The following ZGPAT variants were observed in gnomAD, a reference collection of about 807,000 sequenced individuals.
The protein encoded by ZGPAT is zinc finger CCCH-type and G-patch domain containing.
A neutral mutation model predicts 47.9 loss-of-function variants in ZGPAT; 39 were observed. That is an observed-to-expected ratio of 0.81 (90% CI 0.63 to 1.06). ZGPAT has a LOEUF of 1.06. Among genes scored for constraint, ZGPAT ranks in the 50% least tolerant of loss-of-function variants. The pLI is 0.00. For synonymous variants in ZGPAT, 348 were observed against 292.9 expected (o/e 1.19, Z -1.92); for missense variants, 717 against 681.4 (o/e 1.05, Z -0.58).
intron 2 of ZGPAT, among the ~76,000 whole-genome samples, chr20:63,714,036 G>A (rs1242652503): frequency 1.3e-5 from 2 of 152,062 alleles, no homozygotes; most frequent in African/African-American, 4.8e-5. Context: ...TGTGAATAGA[G>A]ATAATTGTAG....
At chr20:63,721,727 G>A (rs527982705) in intron 2 of ZGPAT, among the ~76,000 whole-genome samples, 19 of 152,070 alleles carry the variant, frequency 1.2e-4, no homozygotes, top group African/African-American at 4.6e-4. Flanking sequence ...ACCTGTAAAT[G>A]CCTTCAGGCC....
rs767605942 is a variant in ZGPAT, at chr20:63,735,785, A to T, written c.1402A>T (p.Ser468Cys). The T allele has an allele frequency of 3.6e-5, 58 of 1,601,868 alleles. No individual in the cohort carries two copies. The highest frequency in any genetic ancestry group is 4.8e-5 in the Non-Finnish European group (56 of 1,175,032). Reference sequence around the variant, plus strand: ...GACTAGTGAGCCCCTCCGCAGGCATAGCGTGGCGTCAGCCCAGCTGCAGGA... The same window carrying T: ...GACTAGTGAGCCCCTCCGCAGGCATTGCGTGGCGTCAGCCCAGCTGCAGGA... ...EALARNAGRHSVASAQLQEKL... is the reference protein window; with the variant it reads ...EALARNAGRHCVASAQLQEKL... The change falls in exon 7 of 7, where the codon AGC (serine) becomes TGC (cysteine). Residue 468 changes from serine (S) to cysteine (C), a missense_variant. Ser to Cys is a moderately radical substitution (Grantham distance 112). Transcript: ENST00000355969.
rs764254550 is a variant in ZGPAT at position 63,733,562 on chromosome 20, A to C, written c.719-25A>C. On this transcript the variant is annotated intron_variant, in intron 3 of 6. Coordinates refer to ENST00000355969, the MANE Select transcript of ZGPAT (RefSeq NM_181485.3). Reference sequence around the variant, plus strand: ...GTGGCACCTGCTGTCAAGGATTCTGACCTGCAGCTTGTCTCTGCCCCCAGA... The same window carrying C: ...GTGGCACCTGCTGTCAAGGATTCTGCCCTGCAGCTTGTCTCTGCCCCCAGA... 3.1e-6 allele frequency: 5 copies of C among 1,613,904 alleles called. No individual in the cohort carries two copies. In the Admixed American group the frequency reaches 5.0e-5, roughly 16 times the overall value.
chr20:63,721,073 C>G (rs1030123129), intron 2 of ZGPAT, among the ~76,000 whole-genome samples: 1 of 151,920 alleles, frequency 6.6e-6, no homozygotes, highest in Non-Finnish European at 1.5e-5. Flanking sequence ...ATAAAGAGGC[C>G]GGGCGCAGTG....
chr20:63,716,319 C>G (rs898040178), intron 2 of ZGPAT, among the ~76,000 whole-genome samples: 1 of 152,134 alleles, frequency 6.6e-6, no homozygotes, highest in Non-Finnish European at 1.5e-5. Flanking sequence ...CATAAGCCAC[C>G]GCGTCCAGCC....
Position 63,731,997 on chromosome 20 carries a change from G to T in ZGPAT, c.585-1222G>T, listed in dbSNP as rs150100631. Among the ~76,000 whole-genome samples the T allele has an allele frequency of 3.3e-5, 5 of 152,346 alleles. No individual in the cohort carries two copies. In the East Asian group the frequency reaches 9.6e-4, roughly 29 times the overall value. ...CTTGAGCATCCTTGGATTTTGGTTT[G>T]CACAGGGGGTTTCCCATGGATACCA... On this transcript the variant is annotated intron_variant, in intron 2 of 6. Transcript: ENST00000355969.
chr20:63,713,382 C>T (rs906405787), intron 2 of ZGPAT, among the ~76,000 whole-genome samples: 14 of 152,080 alleles, frequency 9.2e-5, no homozygotes, highest in African/African-American at 3.1e-4. Context: ...AGGTGCCTGC[C>T]ACCACGCCCA....
chr20:63,731,436 TAA>T (rs1325123014), intron 2 of ZGPAT, among the ~76,000 whole-genome samples: 1 of 149,006 alleles, frequency 6.7e-6, no homozygotes, highest in Non-Finnish European at 1.5e-5. Flanking sequence ...CATACGTGTG[TAA>T]AGTGTACAGT....
chr20:63,729,622 C>G (rs977175949), intron 2 of ZGPAT, among the ~76,000 whole-genome samples: 8 of 152,202 alleles, frequency 5.3e-5, no homozygotes, highest in African/African-American at 1.7e-4. Context: ...CTCTTTTGCT[C>G]CATTGATCGA....
chr20:63,732,296 TG>T (rs2091915029), intron 2 of ZGPAT, among the ~76,000 whole-genome samples: 1 of 120,036 alleles, frequency 8.3e-6, no homozygotes, highest in Admixed American at 8.5e-5. Context: ...GGCGTGTGTG[TG>T]TGCATGTGTG....
chr20:63,731,544 G>A (rs2091903301), intron 2 of ZGPAT, among the ~76,000 whole-genome samples: 3 of 105,830 alleles, frequency 2.8e-5, no homozygotes, highest in African/African-American at 8.4e-5. Context: ...TGTGTAAAGT[G>A]TACAGTTGGC....
At chr20:63,713,825 C>T (rs1322753005) in intron 2 of ZGPAT, among the ~76,000 whole-genome samples, 5 of 149,314 alleles carry the variant, frequency 3.3e-5, no homozygotes, top group Admixed American at 6.7e-5. Context: ...GAGCTGAGAT[C>T]GCGCCATTGC....
Position 63,735,377 on chromosome 20 carries a change from G to C in ZGPAT, c.1210G>C (p.Gly404Arg). Reference sequence around the variant, plus strand: ...TGACTTCCTCAATGAAAAGCTGCAAGGTCAGGCTCCTGGGGCCCTAGAAGC... The same window carrying C: ...TGACTTCCTCAATGAAAAGCTGCAACGTCAGGCTCCTGGGGCCCTAGAAGC... ...VFDFLNEKLQ[G>R]QAPGALEAGA... is the part of the protein sequence containing the mutation. The change falls in exon 6 of 7, where the codon GGT becomes CGT. Residue 404 changes from glycine (G) to arginine (R), a missense_variant. By Grantham distance (125) the Gly-to-Arg change is moderately radical. Coordinates refer to ENST00000355969, the MANE Select transcript of ZGPAT (RefSeq NM_181485.3). 1.3e-6 allele frequency: 2 copies of C among 1,553,948 alleles called. No individual in the cohort carries two copies. The highest frequency in any genetic ancestry group is 8.7e-7 in the Non-Finnish European group (1 of 1,152,506).
Position 63,734,693 on chromosome 20 carries a change from C to T in ZGPAT, c.872-12C>T, listed in dbSNP as rs201213325. ...TCTGCACAGTCCTCTGCCCTCTGTC[C>T]GTCTCTTGCAGTGGTGGGGTCAGAT... is the stretch of plus-strand genomic sequence containing the variant. On this transcript the variant is annotated splice_polypyrimidine_tract_variant and intron_variant, in intron 4 of 6. Transcript: ENST00000355969. 38 of 1,613,216 alleles carry T rather than the reference C, an allele frequency of 2.4e-5. No homozygotes were observed. The highest frequency in any genetic ancestry group is 1.0e-4 in the Admixed American group (6 of 59,880).
intron 2 of ZGPAT, among the ~76,000 whole-genome samples, chr20:63,731,917 C>T (rs1040763949): frequency 9.2e-5 from 14 of 152,144 alleles, no homozygotes; most frequent in African/African-American, 1.9e-4. Context: ...ATTTAAAGTA[C>T]GTGGGAAGAT....
intron 2 of ZGPAT, among the ~76,000 whole-genome samples, chr20:63,712,590 C>T (rs2091680630): frequency 9.1e-6 from 1 of 109,316 alleles, no homozygotes; most frequent in Non-Finnish European, 2.0e-5. Context: ...GGCACATTGT[C>T]ATCTTTACAA....
Position 63,735,497 on chromosome 20 carries a change from GAGA to G in ZGPAT, c.1334_1336del (p.Lys445del), listed in dbSNP as rs1394954785. 2.0e-6 allele frequency: 3 copies of G among 1,536,358 alleles called. No homozygotes were observed. Among genetic ancestry groups the G allele is most frequent in the Non-Finnish European group, 2.6e-6 (3 of 1,146,826 alleles). On this transcript the variant is annotated inframe_deletion, in exon 6 of 7. Coordinates refer to ENST00000355969, the MANE Select transcript of ZGPAT (RefSeq NM_181485.3). ...GAGCCTGCGGCTCTTCCAGACTGAGGAGAAGATCGAGCGAACCCAGCGGGACAT... is the reference window on the plus strand; with the variant it reads ...GAGCCTGCGGCTCTTCCAGACTGAGGAGATCGAGCGAACCCAGCGGGACAT...
chr20:63,710,370 T>G (rs959842926), intron 2 of ZGPAT, among the ~76,000 whole-genome samples: 2 of 151,150 alleles, frequency 1.3e-5, no homozygotes, highest in Non-Finnish European at 2.9e-5. Context: ...GCCAGGCTGG[T>G]CTTGAACTCC....
At chr20:63,734,658 C>T (rs767792233) in intron 4 of ZGPAT, 47 bp from the exon 5 acceptor site, 34 of 1,601,372 alleles carry the variant, frequency 2.1e-5, no homozygotes, top group Non-Finnish European at 2.6e-5. Flanking sequence ...TGGGGTCGGA[C>T]GCCGTGGACT....
Sources: gnomAD v4.1 joint callset for allele counts (sites outside exome capture counted in the v4.1 genomes callset) on GRCh38, gnomAD v4.1.1 for gene constraint, MANE v1.5 for transcripts, NCBI Gene and HGNC (gene_info 2026-07-23, HGNC 2026-07-21) for gene names.